NDUFAF2: variants seen among roughly 807,000 people sequenced by gnomAD.
NDUFAF2 encodes NADH dehydrogenase [ubiquinone] 1 alpha subcomplex assembly factor 2.
A neutral mutation model predicts 22.8 loss-of-function variants in NDUFAF2; 13 were observed. The ratio of observed to expected loss-of-function variants is 0.57; its 90% CI spans 0.37 to 0.91. NDUFAF2 has a LOEUF of 0.91. Among genes scored for constraint, NDUFAF2 ranks in the 40% least tolerant of loss-of-function variants. NDUFAF2 has a pLI of 0.01. For synonymous variants in NDUFAF2, 53 were observed against 64.2 expected (o/e 0.83, Z 0.84); for missense variants, 162 against 195.2 (o/e 0.83, Z 1.01).
At chr5:60,958,965 T>A (rs1750651425) in intron 1 of NDUFAF2, among the ~76,000 whole-genome samples, 1 of 152,120 alleles carries the variant, frequency 6.6e-6, no homozygotes, top group Non-Finnish European at 1.5e-5. Flanking sequence ...TACCCAGTCA[T>A]AAGGATGAAT....
chr5:61,094,750 G>T (rs1361865258), intron 2 of NDUFAF2, among the ~76,000 whole-genome samples: 1 of 152,200 alleles, frequency 6.6e-6, no homozygotes. Flanking sequence ...ATCCACTCCA[G>T]TCCCTAGTCA....
chr5:60,950,529 G>C (rs1750530199), intron 1 of NDUFAF2, among the ~76,000 whole-genome samples: 1 of 151,908 alleles, frequency 6.6e-6, no homozygotes, highest in East Asian at 1.9e-4. Context: ...TAATTTTTTA[G>C]ATACCTTTTA....
chr5:61,095,622 G>A (rs1196027928), intron 2 of NDUFAF2, among the ~76,000 whole-genome samples: 2 of 152,186 alleles, frequency 1.3e-5, no homozygotes, highest in South Asian at 2.1e-4. Flanking sequence ...GCCTCTGTGC[G>A]TGCCTGAGTG....
chr5:61,040,197 A>G (rs1215607324), intron 1 of NDUFAF2, among the ~76,000 whole-genome samples: 2 of 150,976 alleles, frequency 1.3e-5, no homozygotes, highest in East Asian at 4.0e-4. Context: ...AGATGGGATC[A>G]GATTATGGTC....
chr5:60,958,897 A>G (rs1750650574), intron 1 of NDUFAF2, among the ~76,000 whole-genome samples: 1 of 151,956 alleles, frequency 6.6e-6, no homozygotes, highest in African/African-American at 2.4e-5. Flanking sequence ...TCAGGTTTGG[A>G]TTTGGTTTAG....
Position 61,153,019 on chromosome 5 carries a change from A to G in NDUFAF2, c.*64A>G, listed in dbSNP as rs1741268807. 1 of 1,559,680 alleles carries G rather than the reference A, an allele frequency of 6.4e-7. No homozygotes were observed. The highest frequency in any genetic ancestry group is 1.4e-5 in the African/African-American group (1 of 73,444). On this transcript the variant is annotated 3_prime_UTR_variant, in exon 4 of 4. Coordinates refer to ENST00000296597, the MANE Select transcript of NDUFAF2 (RefSeq NM_174889.5). ...ACTATTTTAACAAATAAAAGAAGTG[A>G]AAAGTTATTTACCTTGTATTTTCTG... is the stretch of plus-strand genomic sequence containing the variant.
At chr5:60,965,235 TC>T (rs1750739039) in intron 1 of NDUFAF2, among the ~76,000 whole-genome samples, 1 of 152,174 alleles carries the variant, frequency 6.6e-6, no homozygotes, top group South Asian at 2.1e-4. Flanking sequence ...ATAATTTTCC[TC>T]CGACTTTATT....
intron 2 of NDUFAF2, among the ~76,000 whole-genome samples, chr5:61,088,263 A>G (rs1235898336): frequency 2.0e-5 from 3 of 152,102 alleles, no homozygotes; most frequent in Non-Finnish European, 2.9e-5. Flanking sequence ...CCATAATCTT[A>G]TATAACGTAA....
At chr5:61,111,232 G>T (rs1051858182) in intron 3 of NDUFAF2, among the ~76,000 whole-genome samples, 1 of 152,118 alleles carries the variant, frequency 6.6e-6, no homozygotes, top group Admixed American at 6.5e-5. Flanking sequence ...GTGGCCTAAC[G>T]TATAGTCTGT....
At chr5:61,122,513 G>T (rs886751127) in intron 3 of NDUFAF2, among the ~76,000 whole-genome samples, 7 of 152,030 alleles carry the variant, frequency 4.6e-5, no homozygotes, top group African/African-American at 1.7e-4. Flanking sequence ...ACTATCTTTT[G>T]AAAAAGATTA....
chr5:61,066,920 C>T (rs1387847979), intron 1 of NDUFAF2, among the ~76,000 whole-genome samples: 1 of 151,902 alleles, frequency 6.6e-6, no homozygotes, highest in South Asian at 2.1e-4. Context: ...ACAGTGGTTA[C>T]CTGGGACAGG....
At chr5:61,134,120 C>T (rs1753145558) in intron 3 of NDUFAF2, among the ~76,000 whole-genome samples, 1 of 151,966 alleles carries the variant, frequency 6.6e-6, no homozygotes, top group South Asian at 2.1e-4. Flanking sequence ...ATGAAAATAT[C>T]CTTCTATAGA....
chr5:61,027,565 T>C (rs1302862586), intron 1 of NDUFAF2, among the ~76,000 whole-genome samples: 2 of 152,020 alleles, frequency 1.3e-5, no homozygotes, highest in African/African-American at 4.8e-5. Context: ...TTTGTAAGTA[T>C]TTGGAAAAAC....
At chr5:61,078,327 GTATGT>G (rs1752395250) in intron 2 of NDUFAF2, among the ~76,000 whole-genome samples, 1 of 152,178 alleles carries the variant, frequency 6.6e-6, no homozygotes, top group African/African-American at 2.4e-5. Context: ...CAAACTGAAA[GTATGT>G]TATGTAAGTA....
rs200574099 is a variant in NDUFAF2, at chr5:61,064,981, GA to G, written c.128-8135del. On this transcript the variant is annotated intron_variant, in intron 1 of 3. Transcript: ENST00000296597. Reference sequence around the variant, plus strand: ...ATTTACAAACCCTTAACCAGTCTAAGAAAAAAAAATTCAAACAAAATAAAAA... The same window carrying G: ...ATTTACAAACCCTTAACCAGTCTAAGAAAAAAAATTCAAACAAAATAAAAA... 8.9e-4 allele frequency among the ~76,000 whole-genome samples: 134 copies of G among 150,184 alleles called. 3 individuals are homozygous for G. In the East Asian group the frequency reaches 0.022, roughly 25 times the overall value.
chr5:60,975,680 A>G (rs1427582309), intron 1 of NDUFAF2, among the ~76,000 whole-genome samples: 1 of 152,246 alleles, frequency 6.6e-6, no homozygotes, highest in African/African-American at 2.4e-5. Context: ...GGAATCAGCA[A>G]GGGGTGACTG....
chr5:61,025,888 A>G (rs867517764), intron 1 of NDUFAF2, among the ~76,000 whole-genome samples: 3 of 152,022 alleles, frequency 2.0e-5, no homozygotes, highest in African/African-American at 7.2e-5. Context: ...TGGTTTTTAT[A>G]TGCTCATTTT....
intron 1 of NDUFAF2, among the ~76,000 whole-genome samples, chr5:61,068,875 T>C (rs558281439): frequency 5.9e-5 from 9 of 152,136 alleles, no homozygotes; most frequent in African/African-American, 2.2e-4. Flanking sequence ...GCAACATATC[T>C]TAGTGGTTAA....
intron 1 of NDUFAF2, among the ~76,000 whole-genome samples, chr5:61,012,711 T>C (rs1207442944): frequency 6.6e-6 from 1 of 152,038 alleles, no homozygotes; most frequent in Non-Finnish European, 1.5e-5. Flanking sequence ...CTTTGAAAAA[T>C]CATTTAATTA....
Sources: gnomAD v4.1 joint callset for allele counts (sites outside exome capture counted in the v4.1 genomes callset) on GRCh38, gnomAD v4.1.1 for gene constraint, MANE v1.5 for transcripts, NCBI Gene and HGNC (gene_info 2026-07-23, HGNC 2026-07-21) for gene names.